DPYD: variants seen among roughly 807,000 people sequenced by gnomAD.
DPYD encodes the protein dihydropyrimidine dehydrogenase, also known as dihydropyrimidine dehydrogenase [NADP(+)].
Under a neutral mutation model 116.2 loss-of-function variants are expected in DPYD, and 109 were observed. The observed-to-expected ratio is 0.94, with a 90% CI of 0.80 to 1.10. The LOEUF is 1.10. DPYD is among the 50% of genes least tolerant of loss of function. The pLI is 0.00. For missense variants in DPYD, 1,302 were observed against 1,254.5 expected (o/e 1.04, Z -0.57); for synonymous variants, 440 against 432.0 (o/e 1.02, Z -0.23).
At chr1:97,906,057 A>G (rs1465778884) in intron 1 of DPYD, among the ~76,000 whole-genome samples, 1 of 151,940 alleles carries the variant, frequency 6.6e-6, no homozygotes, top group Non-Finnish European at 1.5e-5. Context: ...ATCCATGATG[A>G]TCCCTATTAA....
chr1:97,393,633 T>A (rs988145871), intron 14 of DPYD, among the ~76,000 whole-genome samples: 2 of 152,140 alleles, frequency 1.3e-5, no homozygotes, highest in African/African-American at 4.8e-5. Flanking sequence ...TCATCCTTTT[T>A]TATGGCTGCA....
At chr1:97,870,109 G>A (rs772084076) in intron 2 of DPYD, among the ~76,000 whole-genome samples, 5 of 151,792 alleles carry the variant, frequency 3.3e-5, no homozygotes, top group African/African-American at 4.8e-5. Context: ...GATTCAATTT[G>A]CAAATGCTGA....
At chr1:97,355,285 T>G (rs1237473437) in intron 16 of DPYD, among the ~76,000 whole-genome samples, 2 of 152,108 alleles carry the variant, frequency 1.3e-5, no homozygotes, top group African/African-American at 4.8e-5. Flanking sequence ...AAATTATTGT[T>G]GTATATATTT....
At chr1:97,825,815 G>A (rs1402043935) in intron 3 of DPYD, among the ~76,000 whole-genome samples, 1 of 152,018 alleles carries the variant, frequency 6.6e-6, no homozygotes, top group East Asian at 1.9e-4. Flanking sequence ...CCATAGCCAA[G>A]CTATGCCAGG....
intron 18 of DPYD, among the ~76,000 whole-genome samples, chr1:97,304,054 T>A (rs907093596): frequency 2.6e-5 from 4 of 152,034 alleles, no homozygotes; most frequent in African/African-American, 9.7e-5. Flanking sequence ...AAAACATGAA[T>A]GGTGTTACTT....
intron 5 of DPYD, among the ~76,000 whole-genome samples, chr1:97,701,648 CT>C (rs1028267411): frequency 8.6e-5 from 13 of 151,920 alleles, no homozygotes; most frequent in African/African-American, 2.2e-4. Flanking sequence ...ATACCACAAA[CT>C]ATTGTAAATA....
intron 5 of DPYD, chr1:97,719,934 T>C (rs568671523): frequency 1.7e-5 from 17 of 984,934 alleles, no homozygotes; most frequent in Admixed American, 6.2e-5. Context: ...GTGATACTTA[T>C]GGCAAGACCT....
chr1:97,270,138 G>T (rs1664485459), intron 18 of DPYD, among the ~76,000 whole-genome samples: 1 of 152,110 alleles, frequency 6.6e-6, no homozygotes, highest in South Asian at 2.1e-4. Flanking sequence ...CACTCTATTT[G>T]TTAAAGGAAG....
At chr1:97,527,954 T>A (rs538313557) in intron 12 of DPYD, among the ~76,000 whole-genome samples, 1 of 152,294 alleles carries the variant, frequency 6.6e-6, no homozygotes, top group African/African-American at 2.4e-5. Flanking sequence ...TATATTTCAT[T>A]GTGATATGCT....
At chr1:97,199,349 T>C (rs1238492091) in intron 19 of DPYD, among the ~76,000 whole-genome samples, 1 of 152,054 alleles carries the variant, frequency 6.6e-6, no homozygotes, top group African/African-American at 2.4e-5. Context: ...TCAAGCAGAA[T>C]AGAGTTCCAA....
intron 3 of DPYD, among the ~76,000 whole-genome samples, chr1:97,790,500 C>A (rs1036878535): frequency 6.6e-6 from 1 of 152,164 alleles, no homozygotes; most frequent in African/African-American, 2.4e-5. Context: ...ATGGAGGGCA[C>A]AGAATAGTCT....
chr1:97,795,989 T>C (rs1001828555), intron 3 of DPYD, among the ~76,000 whole-genome samples: 2 of 152,048 alleles, frequency 1.3e-5, no homozygotes, highest in Non-Finnish European at 2.9e-5. Flanking sequence ...CATTAAAATA[T>C]AACAATGATG....
intron 20 of DPYD, among the ~76,000 whole-genome samples, chr1:97,189,424 G>A (rs1365831079): frequency 6.6e-6 from 1 of 152,116 alleles, no homozygotes; most frequent in Non-Finnish European, 1.5e-5. Flanking sequence ...GTATTTAGGA[G>A]TCCTGTTCTC....
chr1:97,897,373 C>T (rs958556717), intron 1 of DPYD, among the ~76,000 whole-genome samples: 1 of 151,798 alleles, frequency 6.6e-6, no homozygotes, highest in Non-Finnish European at 1.5e-5. Flanking sequence ...TGTGCCTCGG[C>T]GTTGTTTTCT....
chr1:97,348,768 T>A (rs1669983481), intron 16 of DPYD, among the ~76,000 whole-genome samples: 1 of 152,112 alleles, frequency 6.6e-6, no homozygotes, highest in Non-Finnish European at 1.5e-5. Context: ...GTAACAGAGA[T>A]AAGAGCTGTC....
At chr1:97,159,357 A>G (rs1213857828) in intron 20 of DPYD, among the ~76,000 whole-genome samples, 1 of 152,106 alleles carries the variant, frequency 6.6e-6, no homozygotes, top group African/African-American at 2.4e-5. Context: ...GAACTTGAAC[A>G]TGGATAAATA....
chr1:97,913,633 G>A (rs1674074608), intron 1 of DPYD, among the ~76,000 whole-genome samples: 1 of 152,114 alleles, frequency 6.6e-6, no homozygotes, highest in African/African-American at 2.4e-5. Context: ...ATTAGGCATG[G>A]TAATGTTTCT....
intron 8 of DPYD, among the ~76,000 whole-genome samples, chr1:97,620,038 A>G (rs74325397): frequency 1.5e-5 from 2 of 133,188 alleles, no homozygotes; most frequent in Admixed American, 7.4e-5. Context: ...AGTATAAGTG[A>G]AAAAAAAAAA....
chr1:97,115,193 A>G (rs1018636524), intron 20 of DPYD, among the ~76,000 whole-genome samples: 1 of 152,166 alleles, frequency 6.6e-6, no homozygotes, highest in Admixed American at 6.6e-5. Context: ...GCTTTCATCA[A>G]TGTTTTGTGT....
Sources: allele counts gnomAD v4.1 joint callset (sites outside exome capture counted in the v4.1 genomes callset), GRCh38; gene constraint gnomAD v4.1.1; transcripts MANE v1.5; gene names NCBI Gene and HGNC (gene_info 2026-07-23, HGNC 2026-07-21).